The following AIG1 variants were observed in gnomAD, a reference collection of about 807,000 sequenced individuals.
The protein encoded by AIG1 is androgen induced 1, also known as androgen-induced gene 1 protein.
Under a neutral mutation model 31.4 loss-of-function variants are expected in AIG1, and 23 were observed. The observed-to-expected ratio is 0.73, with a 90% confidence interval of 0.53 to 1.04. The LOEUF (loss-of-function observed/expected upper bound fraction) is 1.04. Among genes scored for constraint, AIG1 ranks in the 50% least tolerant of loss-of-function variants. The pLI, the probability that AIG1 is intolerant of heterozygous loss-of-function variation, is 0.00. For missense variants in AIG1, 274 were observed against 295.0 expected (o/e 0.93, Z 0.52); for synonymous variants, 100 against 110.5 (o/e 0.90, Z 0.60).
intron 4 of AIG1, among the ~76,000 whole-genome samples, chr6:143,302,836 C>T (rs145582336): frequency 0.13 from 20,064 of 152,168 alleles, 1,573 homozygotes; most frequent in East Asian, 0.36. Flanking sequence ...TTTACAGTCT[C>T]ACCAACAGTG....
rs116038871 is a variant in AIG1 at position 143,118,538 on chromosome 6, G to A, written c.142-18297G>A. Among the ~76,000 whole-genome samples the A allele has an allele frequency of 3.4e-3, 515 of 151,896 alleles. 4 individuals carry two copies. The highest frequency in any genetic ancestry group is 0.012 in the African/African-American group (482 of 41,428). On this transcript the variant is annotated intron_variant, in intron 1 of 5. Coordinates refer to ENST00000357847, the MANE Select transcript of AIG1 (RefSeq NM_016108.4). Reference sequence around the variant, plus strand: ...CAACATTAAGGTAAAAAAAAATACCGAAAGATTGGACTTAAGACGGGCCAG... The same window carrying A: ...CAACATTAAGGTAAAAAAAAATACCAAAAGATTGGACTTAAGACGGGCCAG...
At chr6:143,171,216 A>G (rs565056056) in intron 3 of AIG1, among the ~76,000 whole-genome samples, 1 of 151,074 alleles carries the variant, frequency 6.6e-6, no homozygotes, top group East Asian at 1.9e-4. Flanking sequence ...TTGAGTCCCC[A>G]AAGTCCATTT....
intron 1 of AIG1, among the ~76,000 whole-genome samples, chr6:143,086,602 C>G (rs1175475706): frequency 6.6e-6 from 1 of 152,078 alleles, no homozygotes; most frequent in Non-Finnish European, 1.5e-5. Context: ...GACAAGACAC[C>G]CTGGGTTCAT....
intron 1 of AIG1, among the ~76,000 whole-genome samples, chr6:143,131,319 A>T (rs1439103423): frequency 6.6e-6 from 1 of 152,108 alleles, no homozygotes; most frequent in Non-Finnish European, 1.5e-5. Flanking sequence ...GCTATGGGAG[A>T]CAAAATTTTT....
intron 5 of AIG1, chr6:143,335,190 C>T: frequency 2.4e-6 from 3 of 1,257,038 alleles, no homozygotes; most frequent in Non-Finnish European, 3.1e-6. Flanking sequence ...CTATCAAGTT[C>T]TGTTAGGCCT....
intron 1 of AIG1, among the ~76,000 whole-genome samples, chr6:143,106,226 G>T (rs1471892472): frequency 3.9e-5 from 6 of 152,166 alleles, no homozygotes; most frequent in Admixed American, 3.9e-4. Context: ...TGACGGCAGA[G>T]ATGGGAGTGA....
intron 3 of AIG1, among the ~76,000 whole-genome samples, chr6:143,230,043 A>G (rs1793326418): frequency 6.6e-6 from 1 of 152,110 alleles, no homozygotes; most frequent in African/African-American, 2.4e-5. Flanking sequence ...TCTTCTTTCC[A>G]TTTACCCTCA....
At chr6:143,234,178 A>C (rs1179319509) in intron 3 of AIG1, among the ~76,000 whole-genome samples, 2 of 152,178 alleles carry the variant, frequency 1.3e-5, no homozygotes, top group Admixed American at 1.3e-4. Context: ...CTGTGAGGAG[A>C]GGAAGACTTG....
intron 3 of AIG1, among the ~76,000 whole-genome samples, chr6:143,224,513 T>C (rs1247308129): frequency 6.6e-6 from 1 of 152,166 alleles, no homozygotes; most frequent in Non-Finnish European, 1.5e-5. Flanking sequence ...AGAAGAAAAG[T>C]ATATTAAAAT....
At chr6:143,232,964 G>A (rs1213620645) in intron 3 of AIG1, among the ~76,000 whole-genome samples, 2 of 152,146 alleles carry the variant, frequency 1.3e-5, no homozygotes, top group African/African-American at 4.8e-5. Context: ...TGTTCTGGGA[G>A]CTCCCAGGCC....
chr6:143,077,200 A>G (rs1351513320), intron 1 of AIG1, among the ~76,000 whole-genome samples: 1 of 152,172 alleles, frequency 6.6e-6, no homozygotes. Context: ...TGAGAACCCT[A>G]TAGATAAGGT....
At chr6:143,082,539 C>T (rs1472122751) in intron 1 of AIG1, among the ~76,000 whole-genome samples, 1 of 152,174 alleles carries the variant, frequency 6.6e-6, no homozygotes, top group East Asian at 1.9e-4. Flanking sequence ...AGCCACAAGT[C>T]CCCTTTAGCA....
At position 143,241,100 on chromosome 6, in the gene AIG1, A is replaced by T. The variant is rs182489441; in HGVS notation, c.400-43010A>T. The stretch of plus-strand genomic sequence containing the variant: ...ATTAGAAAAGTGGTCTGAAAAAAAA[A>T]AATCAACAACAACAAATAAAACCAT... On this transcript the variant is annotated intron_variant, in intron 3 of 5. Coordinates refer to ENST00000357847, the MANE Select transcript of AIG1 (RefSeq NM_016108.4). 9.8e-5 allele frequency among the ~76,000 whole-genome samples: 15 copies of T among 152,310 alleles called. No individual in the cohort carries two copies. The East Asian group carries it at 2.9e-3, about 29-fold the overall frequency.
In AIG1 at chr6:143,299,897, A is replaced by C. The variant is rs75271063; in HGVS notation, c.515+15672A>C. Among the ~76,000 whole-genome samples the C allele has an allele frequency of 0.015, 2,233 of 152,238 alleles. 46 individuals are homozygous for C. Among genetic ancestry groups the C allele is most frequent in the African/African-American group, 0.05 (2,092 of 41,532 alleles). Reference sequence around the variant, plus strand: ...TCACATCCTCCAGAAGCTTTCCCTGACATTCTGAGTCAGTGTCAGGTGCCC... The same window carrying C: ...TCACATCCTCCAGAAGCTTTCCCTGCCATTCTGAGTCAGTGTCAGGTGCCC... On this transcript the variant is annotated intron_variant, in intron 4 of 5. Transcript: ENST00000357847. The surrounding 1 kb of genome is among the most constrained non-coding windows in gnomAD (Gnocchi z 4.1).
chr6:143,252,609 G>A (rs1214423601), intron 3 of AIG1, among the ~76,000 whole-genome samples: 1 of 152,208 alleles, frequency 6.6e-6, no homozygotes, highest in Admixed American at 6.5e-5. Context: ...TGAACTGGTT[G>A]TGGGCTAACC....
chr6:143,307,912 G>C (rs891396876), intron 4 of AIG1, among the ~76,000 whole-genome samples: 69 of 152,204 alleles, frequency 4.5e-4, no homozygotes, highest in African/African-American at 1.5e-3. Flanking sequence ...GGGCAATGGC[G>C]GGCGCCCCTC....
chr6:143,172,129 T>C (rs1007466059), intron 3 of AIG1, among the ~76,000 whole-genome samples: 2 of 152,216 alleles, frequency 1.3e-5, no homozygotes, highest in Admixed American at 6.5e-5. Context: ...TCCCATTCTG[T>C]GCATTGTCTG....
intron 1 of AIG1, among the ~76,000 whole-genome samples, chr6:143,115,885 A>G (rs544276055): frequency 6.6e-6 from 1 of 152,320 alleles, no homozygotes; most frequent in African/African-American, 2.4e-5. Flanking sequence ...GCAGAAATCC[A>G]TGACATTTTT....
intron 1 of AIG1, among the ~76,000 whole-genome samples, chr6:143,092,553 G>A (rs1316842291): frequency 6.6e-6 from 1 of 152,110 alleles, no homozygotes; most frequent in Non-Finnish European, 1.5e-5. Context: ...GGGTGACTAG[G>A]TGCATTGTCA....
Sources: gnomAD v4.1 joint callset for allele counts (sites outside exome capture counted in the v4.1 genomes callset) on GRCh38, gnomAD v4.1.1 for gene constraint, Gnocchi (gnomAD v3.1) non-coding constraint, MANE v1.5 for transcripts, NCBI Gene and HGNC (gene_info 2026-07-23, HGNC 2026-07-21) for gene names.